Variants in EIF2AK3 observed in about 807,000 individuals in gnomAD.
The protein encoded by EIF2AK3 is eukaryotic translation initiation factor 2-alpha kinase 3.
Under a neutral mutation model 113.5 loss-of-function variants are expected in EIF2AK3, and 50 were observed. That is an observed-to-expected ratio of 0.44 (90% CI 0.35 to 0.56). The LOEUF is 0.56. EIF2AK3 is among the 20% of genes least tolerant of loss of function. The pLI is 0.00. For synonymous variants in EIF2AK3, 448 were observed against 495.4 expected (o/e 0.90, Z 1.27); for missense variants, 1,185 against 1,378.0 (o/e 0.86, Z 2.22).
chr2:88,572,116 C>A (rs1314636554), intron 13 of EIF2AK3, among the ~76,000 whole-genome samples: 1 of 152,186 alleles, frequency 6.6e-6, no homozygotes, highest in African/African-American at 2.4e-5. Flanking sequence ...ACGATTTTGA[C>A]TTGGAAGCAT....
In EIF2AK3 at chr2:88,558,930, TTC is replaced by T; in HGVS notation, c.3135_3136del (p.Lys1046IlefsTer4). 1 of 1,597,512 alleles carries T rather than the reference TTC, an allele frequency of 6.3e-7. No individual in the cohort carries two copies. Among genetic ancestry groups the T allele is most frequent in the Non-Finnish European group, 8.6e-7 (1 of 1,165,398 alleles). ...AATTACACATACCTCACAAGGATAT[TTC>T]TGAGTAAATAATGGTGGAAATTTGA... is the stretch of plus-strand genomic sequence containing the variant. On this transcript the variant is annotated frameshift_variant, in exon 16 of 17. Transcript: ENST00000303236. LOFTEE classifies it high-confidence loss of function.
intron 11 of EIF2AK3, among the ~76,000 whole-genome samples, chr2:88,577,795 C>T (rs979535831): frequency 5.3e-5 from 8 of 152,152 alleles, no homozygotes; most frequent in African/African-American, 1.4e-4. Context: ...AGCCTTTGCT[C>T]GGGCCATTTC....
chr2:88,623,969 C>G (rs1675796403), intron 1 of EIF2AK3, among the ~76,000 whole-genome samples: 1 of 152,034 alleles, frequency 6.6e-6, no homozygotes, highest in Admixed American at 6.6e-5. Context: ...ACCTTCACCT[C>G]ATCACCTGTT....
chr2:88,623,486 G>A (rs951841256), intron 1 of EIF2AK3, among the ~76,000 whole-genome samples: 2 of 152,114 alleles, frequency 1.3e-5, no homozygotes, highest in Non-Finnish European at 2.9e-5. Context: ...GGTGAATCTC[G>A]GATTGCTTCT....
intron 16 of EIF2AK3, 50 bp from the exon 17 acceptor site, chr2:88,557,986 G>A (rs907647455): frequency 6.4e-7 from 1 of 1,567,422 alleles, no homozygotes; most frequent in Non-Finnish European, 8.8e-7. Context: ...TTTGATCACT[G>A]TACAGTTTTT....
chr2:88,579,856 T>TA (rs1203893589), intron 10 of EIF2AK3: 3 of 477,022 alleles, frequency 6.3e-6, no homozygotes, highest in South Asian at 4.4e-5. Context: ...AAATTAAAAA[T>TA]AAAAAAGACA....
Position 88,590,872 on chromosome 2 carries a change from GT to G in EIF2AK3, c.947del (p.Asp316AlafsTer53). On this transcript the variant is annotated frameshift_variant, in exon 5 of 17. Transcript: ENST00000303236. LOFTEE classifies it high-confidence loss of function. ...MDIVIKVSVADWKVMAFSKKG... is the reference protein window; with the variant it reads ...MDIVIKVSVAXWKVMAFSKKG... ...TCTTACTGAATGCCATAACTTTCCA[GT>G]CAGCAACCGAAACCTTTATCACTAT... 6.2e-7 allele frequency: 1 copy of G among 1,614,022 alleles called. No individual in the cohort carries two copies. The highest frequency in any genetic ancestry group is 8.5e-7 in the Non-Finnish European group (1 of 1,179,972).
rs564196577 is a variant in EIF2AK3, at chr2:88,596,551, G to A, written c.439-888C>T. 4.6e-5 allele frequency among the ~76,000 whole-genome samples: 7 copies of A among 152,240 alleles called. No individual in the cohort carries two copies. In the East Asian group the frequency reaches 1.4e-3, roughly 29 times the overall value. ...GGGGATTATCAATAAAGAGCTTAGGGTAGACCCCACTGAGAAAGTAACGTT... is the reference window on the plus strand; with the variant it reads ...GGGGATTATCAATAAAGAGCTTAGGATAGACCCCACTGAGAAAGTAACGTT... On this transcript the variant is annotated intron_variant, in intron 2 of 16. Coordinates refer to ENST00000303236, the MANE Select transcript of EIF2AK3 (RefSeq NM_004836.7).
intron 1 of EIF2AK3, among the ~76,000 whole-genome samples, chr2:88,621,729 T>C (rs1386015082): frequency 6.6e-6 from 1 of 152,098 alleles, no homozygotes; most frequent in Non-Finnish European, 1.5e-5. Flanking sequence ...TCATAACAAA[T>C]ATATCAAAAA....
In EIF2AK3 at chr2:88,627,009, C is replaced by G. The variant is rs2103992221; in HGVS notation, c.266G>C (p.Gly89Ala). ...PAAAGEQEPR[G>A]PEPDDETELR... Reference sequence around the variant, plus strand: ...CTCTGTCTCATCGTCTGGTTCCGGACCCCGAGGCTCCTGCTCTCCCGCGGC... The same window carrying G: ...CTCTGTCTCATCGTCTGGTTCCGGAGCCCGAGGCTCCTGCTCTCCCGCGGC... The change falls in exon 1 of 17, where the codon GGT (glycine) becomes GCT (alanine). Residue 89 changes from glycine to alanine, a missense_variant. Gly to Ala is a moderately conservative substitution (Grantham distance 60). Around this residue, in one of 3 missense-constraint regions of EIF2AK3, gnomAD observed 189 missense variants for 175.2 expected, o/e 1.08. Transcript: ENST00000303236. 1.2e-6 allele frequency: 2 copies of G among 1,608,116 alleles called. No individual in the cohort carries two copies. The highest frequency in any genetic ancestry group is 1.7e-6 in the Non-Finnish European group (2 of 1,178,932).
At chr2:88,601,834 C>CTTTTTTTTATTTTTTT (rs1675155039) in intron 2 of EIF2AK3, among the ~76,000 whole-genome samples, 1 of 74,858 alleles carries the variant, frequency 1.3e-5, no homozygotes, top group Non-Finnish European at 2.5e-5. Flanking sequence ...TAAGATTTTT[C>CTTTTTTTTATTTTTTT]TTTTTTTTTT....
At chr2:88,568,078 A>G (rs1239080942) in intron 14 of EIF2AK3, among the ~76,000 whole-genome samples, 1 of 152,180 alleles carries the variant, frequency 6.6e-6, no homozygotes, top group African/African-American at 2.4e-5. Flanking sequence ...CAAAATAAAA[A>G]TTCACATTGC....
intron 13 of EIF2AK3, among the ~76,000 whole-genome samples, chr2:88,574,276 A>G (rs997188230): frequency 9.2e-5 from 14 of 152,150 alleles, no homozygotes; most frequent in Non-Finnish European, 2.1e-4. Context: ...AGAGCCCTGG[A>G]GGTATTGGTG....
Position 88,556,864 on chromosome 2 carries a change from CAT to C in EIF2AK3, c.*870_*871del, listed in dbSNP as rs1033845689. 8 of 152,014 alleles carry C rather than the reference CAT, an allele frequency of 5.3e-5. No individual in the cohort carries two copies. The highest frequency in any genetic ancestry group is 3.8e-4 in the East Asian group (2 of 5,198). 9.4% of individuals were successfully genotyped at this position (152,014 alleles called of 1,614,324 possible). On this transcript the variant is annotated 3_prime_UTR_variant, in exon 17 of 17. Coordinates refer to ENST00000303236, the MANE Select transcript of EIF2AK3 (RefSeq NM_004836.7). ...GATTTCAGAATTTTTATAAATAAAA[CAT>C]AAACATATTTACAGTGAAAAATAAA...
At chr2:88,624,053 AC>A in intron 1 of EIF2AK3, among the ~76,000 whole-genome samples, 1 of 151,054 alleles carries the variant, frequency 6.6e-6, no homozygotes, top group East Asian at 1.9e-4. Context: ...GTGCAGTGTC[AC>A]GATCTCAGCT....
At position 88,583,484 on chromosome 2, in the gene EIF2AK3, C is replaced by A; in HGVS notation, c.1709G>T (p.Gly570Val). The change falls in exon 10 of 17, where the codon GGT becomes GTT. Residue 570 changes from glycine to valine, a missense_variant. Physicochemically the swap from Gly to Val is moderately radical, Grantham distance 109. Around this residue, in one of 3 missense-constraint regions of EIF2AK3, gnomAD observed 877 missense variants for 1,024.2 expected, o/e 0.86. Coordinates refer to ENST00000303236, the MANE Select transcript of EIF2AK3 (RefSeq NM_004836.7). ...ATTCCAGCTACTGTCATTGGCTTCA[C>A]CACTTACAGAATCATATTTATTTTC... ...QTENKYDSVSGEANDSSWNDI... is the reference protein window; with the variant it reads ...QTENKYDSVSVEANDSSWNDI... 1 of 1,613,224 alleles carries A rather than the reference C, an allele frequency of 6.2e-7. No homozygotes were observed. The highest frequency in any genetic ancestry group is 8.5e-7 in the Non-Finnish European group (1 of 1,179,666).
At chr2:88,569,910 A>C (rs779211516) in intron 14 of EIF2AK3, among the ~76,000 whole-genome samples, 2 of 152,200 alleles carry the variant, frequency 1.3e-5, no homozygotes, top group Non-Finnish European at 2.9e-5. Context: ...CTTCAGCCAA[A>C]ATAACATACT....
intron 11 of EIF2AK3, among the ~76,000 whole-genome samples, chr2:88,577,969 G>A (rs1038770758): frequency 2.6e-5 from 4 of 152,144 alleles, no homozygotes; most frequent in Admixed American, 1.3e-4. Flanking sequence ...CTAAGATAAG[G>A]CAAAGGTCAA....
At chr2:88,579,787 A>G (rs2104419845) in intron 10 of EIF2AK3, 147 bp from the exon 11 acceptor site, 1 of 692,130 alleles carries the variant, frequency 1.4e-6, no homozygotes, top group South Asian at 1.9e-5. Context: ...TTTGATTAAC[A>G]GCATTTTTAG....
Sources: allele counts gnomAD v4.1 joint callset (sites outside exome capture counted in the v4.1 genomes callset), GRCh38; gene constraint gnomAD v4.1.1; regional missense constraint gnomAD v4.1.1; transcripts MANE v1.5; gene names NCBI Gene and HGNC (gene_info 2026-07-23, HGNC 2026-07-21).